The following EDIL3 variants were observed in gnomAD, a reference collection of about 807,000 sequenced individuals.
The protein encoded by EDIL3 is EGF like and discoidin domains 3.
A neutral mutation model predicts 67.4 loss-of-function variants in EDIL3; 37 were observed. That is an observed-to-expected ratio of 0.55 (90% CI 0.42 to 0.72). The LOEUF is 0.72. EDIL3 is among the 30% of genes least tolerant of loss of function. The pLI, the probability that EDIL3 is intolerant of heterozygous loss-of-function variation, is 0.00. For synonymous variants in EDIL3, 195 were observed against 196.3 expected (o/e 0.99, Z 0.05); for missense variants, 527 against 586.3 (o/e 0.90, Z 1.04).
At chr5:83,955,030 C>CAT (rs769309082) in intron 10 of EDIL3, among the ~76,000 whole-genome samples, 19 of 151,728 alleles carry the variant, frequency 1.3e-4, no homozygotes, top group Admixed American at 2.0e-4. Flanking sequence ...TTAATCAATG[C>CAT]ATAGAGTCAC....
intron 9 of EDIL3, among the ~76,000 whole-genome samples, chr5:84,037,193 C>G (rs1561410830): frequency 6.6e-6 from 1 of 152,174 alleles, no homozygotes; most frequent in Non-Finnish European, 1.5e-5. Context: ...CACTCATTAT[C>G]TTGGGCTGGG....
intron 1 of EDIL3, among the ~76,000 whole-genome samples, chr5:84,333,041 A>T (rs2112167985): frequency 6.6e-6 from 1 of 152,298 alleles, no homozygotes; most frequent in African/African-American, 2.4e-5. Flanking sequence ...TAAGCTAATA[A>T]CACAGCTAGA....
At chr5:84,310,142 G>A (rs1580069804) in intron 1 of EDIL3, among the ~76,000 whole-genome samples, 1 of 152,112 alleles carries the variant, frequency 6.6e-6, no homozygotes, top group Non-Finnish European at 1.5e-5. Context: ...ATACTCTAAA[G>A]TCATTCTCTT....
intron 4 of EDIL3, among the ~76,000 whole-genome samples, chr5:84,175,909 G>A (rs1179997382): frequency 6.6e-6 from 1 of 151,968 alleles, no homozygotes; most frequent in Non-Finnish European, 1.5e-5. Context: ...TTTAACAAGT[G>A]TAACATAGAA....
At chr5:84,037,366 G>GT (rs1746039874) in intron 9 of EDIL3, among the ~76,000 whole-genome samples, 1 of 152,158 alleles carries the variant, frequency 6.6e-6, no homozygotes, top group Admixed American at 6.6e-5. Context: ...AGAAAAAATA[G>GT]TAAGTTTGAT....
In EDIL3 at chr5:84,269,018, A is replaced by G. The variant is rs191161733; in HGVS notation, c.68-14806T>C. Among the ~76,000 whole-genome samples the G allele has an allele frequency of 7.9e-5, 12 of 152,316 alleles. No homozygotes were observed. In the East Asian group the frequency reaches 2.3e-3, roughly 29 times the overall value. ...CTGAAAAAGTTTAAAAAGTTATTACATGAACTTTAAACACCCTCTTCTTTT... is the reference window on the plus strand; with the variant it reads ...CTGAAAAAGTTTAAAAAGTTATTACGTGAACTTTAAACACCCTCTTCTTTT... On this transcript the variant is annotated intron_variant, in intron 1 of 10. Transcript: ENST00000296591.
At chr5:84,118,005 G>A (rs1387128572) in intron 5 of EDIL3, among the ~76,000 whole-genome samples, 2 of 151,168 alleles carry the variant, frequency 1.3e-5, no homozygotes, top group Admixed American at 1.3e-4. Context: ...ACAGTAAATG[G>A]ATATTTTTTA....
At chr5:84,257,988 A>C (rs1343069710) in intron 1 of EDIL3, among the ~76,000 whole-genome samples, 1 of 152,336 alleles carries the variant, frequency 6.6e-6, no homozygotes, top group African/African-American at 2.4e-5. Flanking sequence ...GTGGTCTACC[A>C]TGTCAAAGTC....
At chr5:84,031,194 T>C (rs1017156201) in intron 9 of EDIL3, among the ~76,000 whole-genome samples, 1 of 152,194 alleles carries the variant, frequency 6.6e-6, no homozygotes, top group African/African-American at 2.4e-5. Flanking sequence ...AATCACATTC[T>C]GAGATAGTTG....
chr5:84,211,463 T>A (rs182581087), intron 3 of EDIL3, among the ~76,000 whole-genome samples: 2 of 152,240 alleles, frequency 1.3e-5, no homozygotes, highest in African/African-American at 4.8e-5. Context: ...CAGCTTCAGG[T>A]ATTTCTTTAC....
chr5:84,383,288 C>G (rs1387882610), intron 1 of EDIL3, among the ~76,000 whole-genome samples: 1 of 152,094 alleles, frequency 6.6e-6, no homozygotes, highest in Non-Finnish European at 1.5e-5. Context: ...CCTGCTGCCC[C>G]CGCTGCCCTT....
intron 1 of EDIL3, among the ~76,000 whole-genome samples, chr5:84,281,630 G>A (rs908221029): frequency 1.3e-5 from 2 of 152,140 alleles, no homozygotes; most frequent in Non-Finnish European, 2.9e-5. Flanking sequence ...GCAGTTGTGT[G>A]TATACTCTTG....
chr5:84,213,539 C>T (rs184589924), intron 3 of EDIL3, among the ~76,000 whole-genome samples: 7 of 152,122 alleles, frequency 4.6e-5, no homozygotes, highest in Admixed American at 4.6e-4. Flanking sequence ...CATTCTTTTT[C>T]AAGAGCTTCT....
intron 4 of EDIL3, among the ~76,000 whole-genome samples, chr5:84,147,583 T>C (rs957051074): frequency 1.3e-5 from 2 of 152,128 alleles, no homozygotes; most frequent in African/African-American, 4.8e-5. Context: ...TATTTCACTT[T>C]ATGTGGAAGT....
intron 2 of EDIL3, among the ~76,000 whole-genome samples, chr5:84,231,141 A>G (rs1744569019): frequency 6.6e-6 from 1 of 152,126 alleles, no homozygotes; most frequent in South Asian, 2.1e-4. Context: ...ATTAACTGTA[A>G]CTCATACAAG....
intron 1 of EDIL3, among the ~76,000 whole-genome samples, chr5:84,336,381 G>A (rs1357798078): frequency 2.0e-5 from 3 of 152,162 alleles, no homozygotes; most frequent in East Asian, 3.9e-4. Flanking sequence ...GTTATGGTCT[G>A]TAACTGAAAG....
chr5:84,220,448 T>C (rs1744319805), intron 3 of EDIL3, among the ~76,000 whole-genome samples: 1 of 152,134 alleles, frequency 6.6e-6, no homozygotes, highest in Non-Finnish European at 1.5e-5. Flanking sequence ...TACACCAAAT[T>C]TAGTTCTCAA....
intron 9 of EDIL3, among the ~76,000 whole-genome samples, chr5:84,052,008 C>A (rs1281294540): frequency 6.6e-6 from 1 of 152,114 alleles, no homozygotes; most frequent in Non-Finnish European, 1.5e-5. Context: ...ACATAATTGT[C>A]AGATTCACCA....
chr5:84,174,669 T>G (rs1748869847), intron 4 of EDIL3, among the ~76,000 whole-genome samples: 2 of 152,126 alleles, frequency 1.3e-5, no homozygotes, highest in African/African-American at 2.4e-5. Flanking sequence ...ACCTCTTCAC[T>G]GACTGGGCGC....
Sources: gnomAD v4.1 joint callset for allele counts (sites outside exome capture counted in the v4.1 genomes callset) on GRCh38, gnomAD v4.1.1 for gene constraint, MANE v1.5 for transcripts, NCBI Gene and HGNC (gene_info 2026-07-23, HGNC 2026-07-21) for gene names.